The following COBLL1 variants were observed in gnomAD, a reference collection of about 807,000 sequenced individuals.
COBLL1 encodes the protein cordon-bleu WH2 repeat protein like 1, also known as cordon-bleu protein-like 1.
A neutral mutation model predicts 94.8 loss-of-function variants in COBLL1; 50 were observed. That is an observed-to-expected ratio of 0.53 (90% CI 0.42 to 0.67). The LOEUF (loss-of-function observed/expected upper bound fraction) is 0.67, where lower values mean the gene tolerates loss of function less well. Among genes scored for constraint, COBLL1 ranks in the 30% least tolerant of loss-of-function variants. The probability of loss-of-function intolerance (pLI) is 0.00; values close to 1 mark genes in which losing one functional copy is unlikely to be tolerated. For missense variants in COBLL1, 1,362 were observed against 1,348.7 expected (o/e 1.01, Z -0.15); for synonymous variants, 448 against 473.8 (o/e 0.95, Z 0.71).
chr2:164,779,440 A>G (rs968888151), intron 2 of COBLL1, among the ~76,000 whole-genome samples: 3 of 152,130 alleles, frequency 2.0e-5, no homozygotes, highest in African/African-American at 7.2e-5. Context: ...TTCAGCCTTA[A>G]GAACGATATT....
chr2:164,797,324 C>A (rs355912), intron 2 of COBLL1, among the ~76,000 whole-genome samples: 42,642 of 152,004 alleles, frequency 0.28, 6,401 homozygotes, highest in African/African-American at 0.39. Flanking sequence ...AGCTATTAAA[C>A]TACTTACTTT....
intron 2 of COBLL1, among the ~76,000 whole-genome samples, chr2:164,657,970 A>T (rs1228255356): frequency 6.6e-6 from 1 of 151,484 alleles, no homozygotes; most frequent in African/African-American, 2.4e-5. Context: ...ATACAAAGGG[A>T]GGGGACCCAA....
chr2:164,748,634 C>T (rs1218954523), intron 2 of COBLL1, among the ~76,000 whole-genome samples: 1 of 152,174 alleles, frequency 6.6e-6, no homozygotes, highest in African/African-American at 2.4e-5. Flanking sequence ...TAGATTTTCA[C>T]ATATGCTTTT....
At chr2:164,835,320 A>G (rs961754907) in intron 2 of COBLL1, among the ~76,000 whole-genome samples, 7 of 152,218 alleles carry the variant, frequency 4.6e-5, no homozygotes, top group Non-Finnish European at 7.4e-5. Context: ...CATACAATGG[A>G]ATATTATTCA....
intron 2 of COBLL1, chr2:164,779,885 G>C (rs1445244743): frequency 3.0e-6 from 1 of 330,714 alleles, no homozygotes; most frequent in African/African-American, 2.1e-5. Flanking sequence ...CATGGGTCAG[G>C]CCTCCATCTA....
At chr2:164,675,728 C>T (rs1358173091), downstream of COBLL1, among the ~76,000 whole-genome samples, 1 of 152,104 alleles carries the variant, frequency 6.6e-6, no homozygotes, top group Non-Finnish European at 1.5e-5. Context: ...TTCTAAAATA[C>T]AGGGGTAATA....
At chr2:164,751,688 C>T (rs181966798) in intron 2 of COBLL1, among the ~76,000 whole-genome samples, 2 of 152,264 alleles carry the variant, frequency 1.3e-5, no homozygotes, top group East Asian at 3.9e-4. Flanking sequence ...CAAATCCCCC[C>T]GCCAATAACC....
At chr2:164,686,702 T>G (rs1683313559) in intron 13 of COBLL1, among the ~76,000 whole-genome samples, 1 of 152,152 alleles carries the variant, frequency 6.6e-6, no homozygotes, top group Non-Finnish European at 1.5e-5. Flanking sequence ...ACAAGAATTT[T>G]CTACATAGTG....
intron 2 of COBLL1, among the ~76,000 whole-genome samples, chr2:164,762,002 A>G (rs1687707058): frequency 6.6e-6 from 1 of 152,222 alleles, no homozygotes; most frequent in Non-Finnish European, 1.5e-5. Context: ...ATCAAGTCTT[A>G]GATCATCATT....
chr2:164,749,943 G>A (rs961974335), intron 2 of COBLL1, among the ~76,000 whole-genome samples: 1 of 152,108 alleles, frequency 6.6e-6, no homozygotes, highest in East Asian at 1.9e-4. Context: ...CTTCATGTGG[G>A]CACACAATCT....
rs1227771781 is a variant in COBLL1, at chr2:164,683,178, C to A, written c.*2768G>T. On this transcript the variant is annotated 3_prime_UTR_variant, in exon 14 of 14. Coordinates refer to ENST00000652658, the MANE Select transcript of COBLL1 (RefSeq NM_001365672.2). ...AAAAAGAATGTATTTTATACTCTAT[C>A]ATATATATGTAATCTGAATTATAAT... is the stretch of plus-strand genomic sequence containing the variant. 1.3e-5 allele frequency: 2 copies of A among 151,716 alleles called. No individual in the cohort carries two copies. Among genetic ancestry groups the A allele is most frequent in the Non-Finnish European group, 2.9e-5 (2 of 67,946 alleles). 9.4% of individuals were successfully genotyped at this position (151,716 alleles called of 1,614,324 possible).
rs200387225 is a variant in COBLL1 at position 164,807,149 on chromosome 2, A to G, written c.41+34007T>C. ...GAAGTCTATTTTGACCTTCCCCTAA[A>G]AAATGGCTACATAGGACCAGGCATG... On this transcript the variant is annotated intron_variant, in intron 2 of 13. Transcript: ENST00000652658. Among the ~76,000 whole-genome samples, 12 of 152,262 alleles carry G rather than the reference A, an allele frequency of 7.9e-5. No individual in the cohort carries two copies. In the East Asian group the frequency reaches 1.9e-3, roughly 24 times the overall value.
At chr2:164,764,193 C>T (rs1039422751) in intron 2 of COBLL1, among the ~76,000 whole-genome samples, 1 of 152,184 alleles carries the variant, frequency 6.6e-6, no homozygotes, top group African/African-American at 2.4e-5. Flanking sequence ...GCCACCACAC[C>T]CAGCTAGCTT....
chr2:164,822,958 G>T (rs896822577), intron 2 of COBLL1, among the ~76,000 whole-genome samples: 8 of 151,744 alleles, frequency 5.3e-5, no homozygotes, highest in Admixed American at 5.3e-4. Flanking sequence ...TAGGAGAGAC[G>T]GAATATTGCC....
chr2:164,687,783 A>G (rs751597176), intron 13 of COBLL1: 1 of 482,772 alleles, frequency 2.1e-6, no homozygotes, highest in Non-Finnish European at 3.8e-6. Flanking sequence ...TGCAGAGGTA[A>G]TGACTTCCAT....
At chr2:164,779,691 A>G (rs1182053291) in intron 2 of COBLL1, 1 of 470,862 alleles carries the variant, frequency 2.1e-6, no homozygotes, top group African/African-American at 2.0e-5. Flanking sequence ...TCTCTCGACC[A>G]AAAAGTCCCC....
intron 2 of COBLL1, among the ~76,000 whole-genome samples, chr2:164,758,539 C>G (rs1021611161): frequency 6.6e-6 from 1 of 152,134 alleles, no homozygotes; most frequent in Non-Finnish European, 1.5e-5. Flanking sequence ...GACTCAACAT[C>G]ATCTACTGAA....
downstream of COBLL1, among the ~76,000 whole-genome samples, chr2:164,678,150 C>T (rs1691368739): frequency 6.6e-6 from 1 of 152,092 alleles, no homozygotes; most frequent in African/African-American, 2.4e-5. Flanking sequence ...ATAGCCAAGA[C>T]ATTTCTGAAG....
chr2:164,692,302 G>T lies in COBLL1; in HGVS notation c.3219C>A (p.Phe1073Leu). 1 of 1,613,630 alleles carries T rather than the reference G, an allele frequency of 6.2e-7. No individual in the cohort carries two copies. The highest frequency in any genetic ancestry group is 8.5e-7 in the Non-Finnish European group (1 of 1,179,668). ...FTVMRQSSLT[F>L]QSSDPEQMRQ... ...GCATCTGTTCTGGGTCAGAGCTTTG[G>T]AATGTTAAAGAACTTTGTCTCATAA... is the stretch of plus-strand genomic sequence containing the variant. The change falls in exon 13 of 14, where the codon TTC (phenylalanine) becomes TTA (leucine). Residue 1073 changes from phenylalanine (F) to leucine (L), a missense_variant. Phe to Leu is a conservative substitution (Grantham distance 22). Coordinates refer to ENST00000652658, the MANE Select transcript of COBLL1 (RefSeq NM_001365672.2).
Sources: allele counts gnomAD v4.1 joint callset (sites outside exome capture counted in the v4.1 genomes callset), GRCh38; gene constraint gnomAD v4.1.1; transcripts MANE v1.5; gene names NCBI Gene and HGNC (gene_info 2026-07-23, HGNC 2026-07-21).